RAPGEF1: variants seen among roughly 807,000 people sequenced by gnomAD.
The protein encoded by RAPGEF1 is CRK SH3-binding GNRP.
RAPGEF1 carries 33 observed loss-of-function variants against 143.3 expected under a neutral mutation model. That is an observed-to-expected ratio of 0.23 (90% CI 0.17 to 0.31). RAPGEF1 has a LOEUF of 0.31. RAPGEF1 is among the 10% of genes least tolerant of loss of function. The pLI, the probability that RAPGEF1 is intolerant of heterozygous loss-of-function variation, is 1.00. For missense variants in RAPGEF1, 1,199 were observed against 1,645.4 expected, an observed-to-expected ratio of 0.73 and a Z score of 4.69; for synonymous variants, 629 against 676.5, an observed-to-expected ratio of 0.93 and a Z score of 1.09.
chr9:131,665,589 A>T (rs10429462), intron 1 of RAPGEF1, among the ~76,000 whole-genome samples: 5,414 of 152,044 alleles, frequency 0.036, 208 homozygotes, highest in East Asian at 0.089. Flanking sequence ...CTCTGATGGC[A>T]TCTATTCTCC....
At chr9:131,609,566 G>A (rs1957681562) in intron 12 of RAPGEF1, among the ~76,000 whole-genome samples, 1 of 152,182 alleles carries the variant, frequency 6.6e-6, no homozygotes, top group Non-Finnish European at 1.5e-5. Context: ...AGGATGGAGA[G>A]AGGGGTGCAC....
intron 1 of RAPGEF1, among the ~76,000 whole-genome samples, chr9:131,699,490 C>T (rs916150212): frequency 2.0e-5 from 3 of 152,106 alleles, no homozygotes; most frequent in Non-Finnish European, 2.9e-5. Flanking sequence ...GTGATCCGCC[C>T]GCCTCGGCCT....
intron 1 of RAPGEF1, among the ~76,000 whole-genome samples, chr9:131,714,494 GA>G (rs1835722919): frequency 6.6e-6 from 1 of 152,062 alleles, no homozygotes; most frequent in African/African-American, 2.4e-5. Context: ...CTGCTGGGAG[GA>G]AAGTCTGATG....
At chr9:131,656,314 C>T (rs905035433) in intron 1 of RAPGEF1, among the ~76,000 whole-genome samples, 3 of 152,190 alleles carry the variant, frequency 2.0e-5, no homozygotes, top group Non-Finnish European at 4.4e-5. Flanking sequence ...TAGTCTATTT[C>T]CCTCTTTGGT....
chr9:131,628,692 C>T lies in RAPGEF1; in HGVS notation c.894-20G>A. 6.3e-7 allele frequency: 1 copy of T among 1,578,130 alleles called. No homozygotes were observed. The highest frequency in any genetic ancestry group is 8.6e-7 in the Non-Finnish European group (1 of 1,156,906). On this transcript the variant is annotated intron_variant, in intron 7 of 26. Transcript: ENST00000683357. The surrounding 1 kb of genome is among the most constrained non-coding windows in gnomAD (Gnocchi z 5.7). Reference sequence around the variant, plus strand: ...GGAGGACTGAAACAGACCGAAACGTCCAGGCAGACCAAACCACACTCACCA... The same window carrying T: ...GGAGGACTGAAACAGACCGAAACGTTCAGGCAGACCAAACCACACTCACCA...
At chr9:131,705,401 A>C (rs577925248) in intron 1 of RAPGEF1, among the ~76,000 whole-genome samples, 1 of 152,196 alleles carries the variant, frequency 6.6e-6, no homozygotes, top group South Asian at 2.1e-4. Context: ...ATTAAATAAC[A>C]CAATAAGATG....
At chr9:131,598,743 G>A (rs983833530) in intron 15 of RAPGEF1, among the ~76,000 whole-genome samples, 11 of 152,080 alleles carry the variant, frequency 7.2e-5, no homozygotes, top group African/African-American at 2.7e-4. Context: ...TTTGCTTGGC[G>A]CTAAGAAAGA....
At chr9:131,651,091 C>G (rs554157212) in intron 1 of RAPGEF1, 142 bp from the exon 2 acceptor site, 1 of 1,075,536 alleles carries the variant, frequency 9.3e-7, no homozygotes, top group Admixed American at 3.3e-5. Context: ...ACGTATGGAT[C>G]CATTACAAAA....
intron 13 of RAPGEF1, 79 bp from the exon 14 acceptor site, chr9:131,604,132 C>A: frequency 1.2e-6 from 1 of 867,454 alleles, no homozygotes; most frequent in Non-Finnish European, 1.7e-6. Flanking sequence ...GGGGATGCCA[C>A]AGCCTGCACT....
At chr9:131,708,859 T>C (rs1835291449) in intron 1 of RAPGEF1, among the ~76,000 whole-genome samples, 1 of 152,128 alleles carries the variant, frequency 6.6e-6, no homozygotes, top group Non-Finnish European at 1.5e-5. Flanking sequence ...GCCTTATGCC[T>C]GTAGCTGGAA....
chr9:131,642,162 T>C (rs1278286972), intron 4 of RAPGEF1, among the ~76,000 whole-genome samples: 1 of 152,220 alleles, frequency 6.6e-6, no homozygotes, highest in Non-Finnish European at 1.5e-5. Flanking sequence ...TAACAATAAA[T>C]ACAGGACAAG....
At chr9:131,587,323 C>T (rs544488930) in intron 22 of RAPGEF1, among the ~76,000 whole-genome samples, 3 of 152,232 alleles carry the variant, frequency 2.0e-5, no homozygotes, top group Admixed American at 2.0e-4. Flanking sequence ...CACACACACA[C>T]ACACGAATTA....
intron 12 of RAPGEF1, among the ~76,000 whole-genome samples, chr9:131,613,430 A>C (rs1472743232): frequency 6.6e-6 from 1 of 152,164 alleles, no homozygotes; most frequent in Non-Finnish European, 1.5e-5. Flanking sequence ...GCGACACTAT[A>C]GTCTAGCTGC....
chr9:131,663,712 C>T (rs1354170794), intron 1 of RAPGEF1, among the ~76,000 whole-genome samples: 1 of 152,140 alleles, frequency 6.6e-6, no homozygotes, highest in Non-Finnish European at 1.5e-5. Context: ...GTGCTTTCTA[C>T]TGTATTATTA....
intron 1 of RAPGEF1, among the ~76,000 whole-genome samples, chr9:131,704,964 C>T (rs958916498): frequency 6.6e-6 from 1 of 152,206 alleles, no homozygotes; most frequent in African/African-American, 2.4e-5. Context: ...ATATTTGCAA[C>T]TGAACAATCA....
rs1013700630 is a variant in RAPGEF1 at position 131,737,637 on chromosome 9, C to A, written c.61+2133G>T. On this transcript the variant is annotated intron_variant, in intron 1 of 26. Coordinates refer to ENST00000683357, the MANE Select transcript of RAPGEF1 (RefSeq NM_001377935.1). ...GTCATTTCATTCCCAGCGGTTTGGG[C>A]AGCTCATGGGATGACAGGCAACTTT... is the stretch of plus-strand genomic sequence containing the variant. 2.5e-5 allele frequency: 35 copies of A among 1,413,364 alleles called. No individual in the cohort carries two copies. The African/African-American group carries it at 3.3e-4, about 13-fold the overall frequency. 87.6% of individuals were successfully genotyped at this position (1,413,364 alleles called of 1,614,324 possible).
rs1837638260 is a variant in RAPGEF1, at chr9:131,739,799, G to C, written c.32C>G (p.Pro11Arg). Residue 11 changes from proline to arginine, a missense_variant, in exon 1 of 27, where the codon CCG (proline) becomes CGG (arginine). Coordinates refer to ENST00000683357, the MANE Select transcript of RAPGEF1 (RefSeq NM_001377935.1). MSGGLGLRRS[P>R]EMSGKIEKAD... ...TTTCTCGATCTTGCCGGACATTTCC[G>C]GGCTGCGCCGGAGGCCGAGGCCGCC... 3 of 1,161,976 alleles carry C rather than the reference G, an allele frequency of 2.6e-6. No homozygotes were observed. The highest frequency in any genetic ancestry group is 3.2e-6 in the Non-Finnish European group (3 of 925,778). 72.0% of individuals were successfully genotyped at this position (1,161,976 alleles called of 1,614,324 possible).
rs545668220 is a variant in RAPGEF1 at position 131,659,336 on chromosome 9, T to A, written c.62-8387A>T. ...GAGCTGAAGTCTGTGGCTTTTTTTT[T>A]AAATCTATTTATTTATTTTATCTTG... is the stretch of plus-strand genomic sequence containing the variant. On this transcript the variant is annotated intron_variant, in intron 1 of 26. Transcript: ENST00000683357. Among the ~76,000 whole-genome samples, 228 of 151,906 alleles carry A rather than the reference T, an allele frequency of 1.5e-3. 1 individual carries two copies. Among genetic ancestry groups the A allele is most frequent in the African/African-American group, 2.6e-3 (109 of 41,330 alleles).
chr9:131,681,207 C>A (rs570059621), intron 1 of RAPGEF1, among the ~76,000 whole-genome samples: 2 of 152,238 alleles, frequency 1.3e-5, no homozygotes, highest in East Asian at 3.9e-4. Context: ...CTCTGCACCC[C>A]CTCATTATTA....
Sources: allele counts gnomAD v4.1 joint callset (sites outside exome capture counted in the v4.1 genomes callset), GRCh38; gene constraint gnomAD v4.1.1; non-coding constraint Gnocchi (gnomAD v3.1); transcripts MANE v1.5; gene names NCBI Gene and HGNC (gene_info 2026-07-23, HGNC 2026-07-21).